NEDD4L: variants seen among roughly 807,000 people sequenced by gnomAD.
The protein encoded by NEDD4L is NEDD4 like E3 ubiquitin protein ligase, also known as E3 ubiquitin-protein ligase NEDD4-like.
In NEDD4L, 54 loss-of-function variants were observed where a neutral mutation model predicts 148.9. That is an observed-to-expected ratio of 0.36 (90% CI 0.29 to 0.45). The LOEUF is 0.45. Ranked by LOEUF, NEDD4L falls within the 20% of genes least tolerant of loss-of-function variation. The pLI is 1.00. For synonymous variants in NEDD4L, 433 were observed against 440.7 expected, an observed-to-expected ratio of 0.98 and a Z score of 0.22; for missense variants, 856 against 1,233.8, an observed-to-expected ratio of 0.69 and a Z score of 4.59.
chr18:58,244,503 T>C (rs913397060), intron 2 of NEDD4L, among the ~76,000 whole-genome samples: 1 of 152,220 alleles, frequency 6.6e-6, no homozygotes, highest in South Asian at 2.1e-4. Flanking sequence ...TAAAAGTTCC[T>C]TTCCCAAGGA....
At chr18:58,295,998 C>G (rs62096385) in intron 5 of NEDD4L, among the ~76,000 whole-genome samples, 26,385 of 152,152 alleles carry the variant, frequency 0.17, 2,515 homozygotes, top group Non-Finnish European at 0.19. Context: ...TACTCCTGGT[C>G]TGTGGGCACA....
rs73438982 is a variant in NEDD4L at position 58,063,064 on chromosome 18, G to A, written c.48+18356G>A. ...CTTTTTTTTTTTTTTTTTTTTTTTTGAGACAGTATCTCACTCTGTTGCCCA... is the reference window on the plus strand; with the variant it reads ...CTTTTTTTTTTTTTTTTTTTTTTTTAAGACAGTATCTCACTCTGTTGCCCA... On this transcript the variant is annotated intron_variant, in intron 1 of 30. Coordinates refer to ENST00000400345, the MANE Select transcript of NEDD4L (RefSeq NM_001144967.3). Among the ~76,000 whole-genome samples, 23 of 8,184 alleles carry A rather than the reference G, an allele frequency of 2.8e-3. 1 individual carries two copies. Among genetic ancestry groups the A allele is most frequent in the African/African-American group, 7.3e-3 (17 of 2,314 alleles). 5.4% of individuals were successfully genotyped at this position (8,184 alleles called of 152,430 possible).
chr18:58,161,222 G>A (rs1196292953), intron 1 of NEDD4L, among the ~76,000 whole-genome samples: 1 of 151,962 alleles, frequency 6.6e-6, no homozygotes, highest in African/African-American at 2.4e-5. Flanking sequence ...TAGAGACAGG[G>A]TTTTCACCAT....
chr18:58,382,893 T>G (rs563774645), intron 24 of NEDD4L, among the ~76,000 whole-genome samples: 4 of 152,340 alleles, frequency 2.6e-5, no homozygotes, highest in South Asian at 2.1e-4. Context: ...AGAATTTGGA[T>G]TTCTGGAGTC....
In NEDD4L at chr18:58,256,304, C is replaced by G. The variant is rs2048554152; in HGVS notation, c.297+4250C>G. 8.1e-7 allele frequency: 1 copy of G among 1,231,786 alleles called. No homozygotes were observed. The highest frequency in any genetic ancestry group is 4.2e-5 in the Admixed American group (1 of 23,726). 76.3% of individuals were successfully genotyped at this position (1,231,786 alleles called of 1,614,324 possible). A position where few individuals can be genotyped will look rare whatever the true frequency, so the allele number is the denominator to read the frequency against. On this transcript the variant is annotated intron_variant, in intron 5 of 30. Coordinates refer to ENST00000400345, the MANE Select transcript of NEDD4L (RefSeq NM_001144967.3). This position sits in a 1 kb window ranked among gnomAD's most constrained non-coding sequence, Gnocchi z 5.2. ...CCAGGGCGGCCCGGCCGCGGCAGAG[C>G]CCAGGCGCTGGTCCCTGCAGCACGT...
chr18:58,173,190 A>T (rs1256062039), intron 2 of NEDD4L, among the ~76,000 whole-genome samples: 1 of 152,216 alleles, frequency 6.6e-6, no homozygotes, highest in Non-Finnish European at 1.5e-5. Flanking sequence ...TTTCAATGCA[A>T]CTTTTTAAAC....
At chr18:58,248,128 T>C (rs1012114557) in intron 3 of NEDD4L, among the ~76,000 whole-genome samples, 3 of 152,262 alleles carry the variant, frequency 2.0e-5, no homozygotes, top group Non-Finnish European at 2.9e-5. Flanking sequence ...GAGCTGTCTT[T>C]AAGAGGCTTA....
In NEDD4L at chr18:58,349,903, G is replaced by A. The variant is rs58111602; in HGVS notation, c.1653+289G>A. On this transcript the variant is annotated intron_variant, in intron 17 of 30. Coordinates refer to ENST00000400345, the MANE Select transcript of NEDD4L (RefSeq NM_001144967.3). The stretch of plus-strand genomic sequence containing the variant: ...TTCTCTGCAGGTGACAATTTAAGTG[G>A]CACTCATTCATTTTGTAACTTAGCA... Among the ~76,000 whole-genome samples, 193 of 152,244 alleles carry A rather than the reference G, an allele frequency of 1.3e-3. 2 individuals are homozygous for A. The highest frequency in any genetic ancestry group is 4.5e-3 in the African/African-American group (185 of 41,526).
intron 18 of NEDD4L, among the ~76,000 whole-genome samples, chr18:58,353,530 T>C (rs2044193198): frequency 6.6e-6 from 1 of 152,366 alleles, no homozygotes; most frequent in Non-Finnish European, 1.5e-5. Context: ...CATCGCTCCA[T>C]AATTCATCAA....
At chr18:58,253,397 G>GT (rs2048147639) in intron 5 of NEDD4L, among the ~76,000 whole-genome samples, 1 of 152,204 alleles carries the variant, frequency 6.6e-6, no homozygotes, top group Non-Finnish European at 1.5e-5. Context: ...TACCATCCTA[G>GT]TATCTTTTCC....
At chr18:58,091,455 A>G (rs543142420) in intron 1 of NEDD4L, 1 of 152,306 alleles carries the variant, frequency 6.6e-6, no homozygotes, top group Non-Finnish European at 1.5e-5. Flanking sequence ...GACTGTGCAC[A>G]TTTCCTGATG....
At chr18:58,396,064 G>A (rs572846924) in intron 30 of NEDD4L, 103 bp from the exon 31 acceptor site, 17 of 705,304 alleles carry the variant, frequency 2.4e-5, no homozygotes, top group South Asian at 2.2e-4. Flanking sequence ...CAAAATTGTT[G>A]GTTAAGGCTT....
rs376855717 is a variant in NEDD4L at position 58,138,840 on chromosome 18, C to A, written c.49-26948C>A. ...TGACCTGATCACCTCGTAAAGGCTCCACCTTCCAATACCGCCATCTTGGGG... is the reference window on the plus strand; with the variant it reads ...TGACCTGATCACCTCGTAAAGGCTCAACCTTCCAATACCGCCATCTTGGGG... On this transcript the variant is annotated intron_variant, in intron 1 of 30. Transcript: ENST00000400345. Among the ~76,000 whole-genome samples the A allele has an allele frequency of 3.9e-4, 59 of 152,342 alleles. 1 individual carries two copies. In the South Asian group the frequency reaches 0.012, roughly 31 times the overall value.
intron 19 of NEDD4L, 88 bp from the exon 20 acceptor site, chr18:58,364,180 C>T (rs2045847327): frequency 3.9e-6 from 3 of 778,092 alleles, no homozygotes; most frequent in Admixed American, 2.4e-5. Context: ...GTTTATGACT[C>T]ATGAAATTCT....
chr18:58,233,175 A>C lies in NEDD4L; in HGVS notation c.123-12252A>C, dbSNP rs145677649. On this transcript the variant is annotated intron_variant, in intron 2 of 30. Coordinates refer to ENST00000400345, the MANE Select transcript of NEDD4L (RefSeq NM_001144967.3). ...AACATTCACTTATGGGCCCTGCCCC[A>C]TCCCCTACTGGGGATGCTATGCAAT... Among the ~76,000 whole-genome samples, 1,247 of 152,362 alleles carry C rather than the reference A, an allele frequency of 8.2e-3. 16 individuals carry two copies. Among genetic ancestry groups the C allele is most frequent in the African/African-American group, 0.028 (1,180 of 41,592 alleles).
chr18:58,094,466 C>T lies in NEDD4L; in HGVS notation c.48+49758C>T, dbSNP rs189236832. ...CCTCCTACAGTGTTGGGATTACAGA[C>T]GTGAGCCACTGCACCCAGCCACTCC... On this transcript the variant is annotated intron_variant, in intron 1 of 30. Transcript: ENST00000400345. 5.0e-4 allele frequency among the ~76,000 whole-genome samples: 76 copies of T among 152,062 alleles called. 2 individuals carry two copies. The highest frequency in any genetic ancestry group is 3.2e-3 in the Admixed American group (49 of 15,272).
chr18:58,255,495 C>G, intron 5 of NEDD4L: 1 of 1,230,730 alleles, frequency 8.1e-7, no homozygotes, highest in Non-Finnish European at 1.0e-6. Flanking sequence ...GTTATTTCTG[C>G]TATCTGTCGC....
Position 58,256,867 on chromosome 18 carries a change from G to A in NEDD4L, c.297+4813G>A, listed in dbSNP as rs2048658943. ...AAAATAAAACCTCACCCTCTGTTCC[G>A]GGAGTTTCCCTGCTTCAGGCCAGTG... is the stretch of plus-strand genomic sequence containing the variant. On this transcript the variant is annotated intron_variant, in intron 5 of 30. Coordinates refer to ENST00000400345, the MANE Select transcript of NEDD4L (RefSeq NM_001144967.3). This position sits in a 1 kb window ranked among gnomAD's most constrained non-coding sequence, Gnocchi z 5.2. 8 of 1,126,682 alleles carry A rather than the reference G, an allele frequency of 7.1e-6. No homozygotes were observed. Among genetic ancestry groups the A allele is most frequent in the Admixed American group, 4.2e-5 (1 of 23,590 alleles). The allele number at this position is 1,126,682 out of a possible 1,614,324, so 69.8% of individuals were successfully genotyped here.
At chr18:58,120,337 T>C (rs1305769342) in intron 1 of NEDD4L, among the ~76,000 whole-genome samples, 1 of 152,204 alleles carries the variant, frequency 6.6e-6, no homozygotes, top group Non-Finnish European at 1.5e-5. Context: ...TGCTATTCAT[T>C]GGCCAATTGT....
Sources: allele counts gnomAD v4.1 joint callset (sites outside exome capture counted in the v4.1 genomes callset), GRCh38; gene constraint gnomAD v4.1.1; non-coding constraint Gnocchi (gnomAD v3.1); transcripts MANE v1.5; gene names NCBI Gene and HGNC (gene_info 2026-07-23, HGNC 2026-07-21).